The following TBC1D12 variants were observed in gnomAD, a reference collection of about 807,000 sequenced individuals.
The protein encoded by TBC1D12 is TBC1 domain family member 12.
Under a neutral mutation model 86.7 loss-of-function variants are expected in TBC1D12, and 56 were observed. The observed-to-expected ratio is 0.65, with a 90% CI of 0.52 to 0.81. The LOEUF (loss-of-function observed/expected upper bound fraction) is 0.81. Among genes scored for constraint, TBC1D12 ranks in the 30% least tolerant of loss-of-function variants. TBC1D12 has a pLI of 0.00. For missense variants in TBC1D12, 1,023 were observed against 1,038.8 expected (o/e 0.98, Z 0.21); for synonymous variants, 421 against 411.7 (o/e 1.02, Z -0.27).
At position 94,438,650 on chromosome 10, in the gene TBC1D12, G is replaced by A. The variant is rs528197869; in HGVS notation, c.972-3246G>A. On this transcript the variant is annotated intron_variant, in intron 1 of 12. Transcript: ENST00000225235. Reference sequence around the variant, plus strand: ...GTGGTGGTGGTTGTGAGGAATAGGGGAAGGTAATTGGTTTATGCATGCTGC... The same window carrying A: ...GTGGTGGTGGTTGTGAGGAATAGGGAAAGGTAATTGGTTTATGCATGCTGC... Among the ~76,000 whole-genome samples, 85 of 152,248 alleles carry A rather than the reference G, an allele frequency of 5.6e-4. 1 individual carries two copies. The highest frequency in any genetic ancestry group is 3.1e-4 in the Non-Finnish European group (21 of 68,022).
intron 2 of TBC1D12, among the ~76,000 whole-genome samples, chr10:94,470,081 T>C (rs1261036335): frequency 2.0e-5 from 3 of 152,162 alleles, no homozygotes; most frequent in African/African-American, 4.8e-5. Context: ...TAGATGAAAA[T>C]CAGTACTTAC....
chr10:94,420,714 C>T (rs922785524), intron 1 of TBC1D12, among the ~76,000 whole-genome samples: 11 of 152,100 alleles, frequency 7.2e-5, no homozygotes, highest in South Asian at 2.1e-4. Flanking sequence ...TTTATGGTTG[C>T]GTAATAGTCC....
At chr10:94,464,122 T>G (rs1364336357) in intron 2 of TBC1D12, among the ~76,000 whole-genome samples, 1 of 152,186 alleles carries the variant, frequency 6.6e-6, no homozygotes, top group Non-Finnish European at 1.5e-5. Flanking sequence ...ATCCTTTTAT[T>G]CTTGTATCTA....
chr10:94,441,265 A>C (rs957348370), intron 1 of TBC1D12, among the ~76,000 whole-genome samples: 19 of 151,814 alleles, frequency 1.3e-4, no homozygotes, highest in Non-Finnish European at 2.1e-4. Context: ...AAGACAGGTT[A>C]TGTATATATA....
intron 1 of TBC1D12, among the ~76,000 whole-genome samples, chr10:94,416,896 G>A (rs74153341): frequency 0.022 from 3,312 of 152,240 alleles, 121 homozygotes; most frequent in African/African-American, 0.074. Flanking sequence ...ATATAAAATA[G>A]CTCAGCACTT....
chr10:94,493,153 C>T (rs949908673), intron 3 of TBC1D12, among the ~76,000 whole-genome samples: 2 of 39,638 alleles, frequency 5.0e-5, no homozygotes, highest in Non-Finnish European at 6.9e-5. Flanking sequence ...CATAGAACTA[C>T]ACACACACAC....
Position 94,500,375 on chromosome 10 carries a change from A to G in TBC1D12, c.1519+48A>G, listed in dbSNP as rs779645387. ...TTCCCACATGTACAAATAGCCATCT[A>G]CAGAGTTACATAGCAGATTAGTAGA... On this transcript the variant is annotated intron_variant, in intron 6 of 12. Coordinates refer to ENST00000225235, the MANE Select transcript of TBC1D12 (RefSeq NM_015188.2). 7.9e-6 allele frequency: 12 copies of G among 1,516,660 alleles called. No individual in the cohort carries two copies. The South Asian group carries it at 1.4e-4, about 18-fold the overall frequency. The allele number at this position is 1,516,660 out of a possible 1,614,324, so 94.0% of individuals were successfully genotyped here. A position where few individuals can be genotyped will look rare whatever the true frequency, so the allele number is the denominator to read the frequency against.
intron 3 of TBC1D12, among the ~76,000 whole-genome samples, chr10:94,477,935 G>T (rs1394961118): frequency 1.3e-5 from 2 of 152,152 alleles, no homozygotes; most frequent in Non-Finnish European, 2.9e-5. Flanking sequence ...TTAAATAGAA[G>T]ACTAGATCTC....
intron 2 of TBC1D12, among the ~76,000 whole-genome samples, chr10:94,467,266 G>A (rs2055838181): frequency 2.6e-5 from 4 of 152,030 alleles, no homozygotes; most frequent in Admixed American, 2.0e-4. Flanking sequence ...GAGTTTCGCT[G>A]TTGTTGCCCA....
intron 4 of TBC1D12, among the ~76,000 whole-genome samples, chr10:94,495,027 C>CTT (rs34125941): frequency 0.013 from 1,770 of 140,364 alleles, 57 homozygotes; most frequent in African/African-American, 0.043. Flanking sequence ...ACACCCAGCT[C>CTT]TTTTTTTTTT....
intron 1 of TBC1D12, among the ~76,000 whole-genome samples, chr10:94,425,465 A>G (rs2055133131): frequency 6.6e-6 from 1 of 152,220 alleles, no homozygotes; most frequent in Non-Finnish European, 1.5e-5. Context: ...TACATGTATC[A>G]TGTTCAATTA....
chr10:94,476,960 T>C (rs2055998120), intron 3 of TBC1D12, among the ~76,000 whole-genome samples: 1 of 152,214 alleles, frequency 6.6e-6, no homozygotes, highest in Non-Finnish European at 1.5e-5. Context: ...ACTTCTCTTG[T>C]ACCTTTCTTG....
In TBC1D12 at chr10:94,403,055, G is replaced by T. The variant is rs2054791788; in HGVS notation, c.442G>T (p.Asp148Tyr). 2 of 1,543,778 alleles carry T rather than the reference G, an allele frequency of 1.3e-6. No homozygotes were observed. The highest frequency in any genetic ancestry group is 1.2e-5 in the South Asian group (1 of 83,180). ...SGFLPGRDCR[D>Y]LEEARGLARA... The stretch of plus-strand genomic sequence containing the variant: ...TTTTCTGCCGGGCCGGGACTGTCGC[G>T]ATCTGGAAGAGGCTCGCGGGCTGGC... The change falls in exon 1 of 13, where the codon GAT (aspartate) becomes TAT (tyrosine). Residue 148 changes from aspartate (D) to tyrosine (Y), a missense_variant. Physicochemically the swap from Asp to Tyr is radical, Grantham distance 160. Coordinates refer to ENST00000225235, the MANE Select transcript of TBC1D12 (RefSeq NM_015188.2).
intron 4 of TBC1D12, among the ~76,000 whole-genome samples, chr10:94,496,839 G>T (rs2056327083): frequency 6.6e-6 from 1 of 152,142 alleles, no homozygotes; most frequent in Non-Finnish European, 1.5e-5. Context: ...TCTAAAAAAA[G>T]AGAAAACAAA....
At chr10:94,447,876 C>G (rs540330310) in intron 2 of TBC1D12, among the ~76,000 whole-genome samples, 48 of 148,280 alleles carry the variant, frequency 3.2e-4, no homozygotes, top group Non-Finnish European at 6.4e-4. Context: ...CAATTGCATA[C>G]TAGATTGAAT....
intron 1 of TBC1D12, among the ~76,000 whole-genome samples, chr10:94,438,847 A>T (rs1183600849): frequency 6.6e-6 from 1 of 151,598 alleles, no homozygotes; most frequent in Non-Finnish European, 1.5e-5. Context: ...TCTGTCTCCC[A>T]GGCTGGAGTA....
intron 1 of TBC1D12, among the ~76,000 whole-genome samples, chr10:94,436,631 G>GT (rs1205673878): frequency 6.6e-6 from 1 of 151,872 alleles, no homozygotes; most frequent in Non-Finnish European, 1.5e-5. Flanking sequence ...GTTCAATAAT[G>GT]TATCATTTCA....
chr10:94,522,225 A>C, intron 10 of TBC1D12, 119 bp from the exon 11 acceptor site: 1 of 1,204,586 alleles, frequency 8.3e-7, no homozygotes, highest in East Asian at 2.6e-5. Context: ...GTTTGCTGAG[A>C]AGACTCAGAA....
rs2056506880 is a variant in TBC1D12 at position 94,509,978 on chromosome 10, A to T, written c.1601-113A>T. The T allele has an allele frequency of 1.8e-5, 13 of 709,478 alleles. No individual in the cohort carries two copies. The East Asian group carries it at 3.8e-4, about 21-fold the overall frequency. 43.9% of individuals were successfully genotyped at this position (709,478 alleles called of 1,614,324 possible). On this transcript the variant is annotated intron_variant, in intron 7 of 12. Coordinates refer to ENST00000225235, the MANE Select transcript of TBC1D12 (RefSeq NM_015188.2). ...ATGTGACATTTCTTATAATTTCTTGATTATTCAGCTTTTAACTTAAATAAC... is the reference window on the plus strand; with the variant it reads ...ATGTGACATTTCTTATAATTTCTTGTTTATTCAGCTTTTAACTTAAATAAC...
Sources: gnomAD v4.1 joint callset for allele counts (sites outside exome capture counted in the v4.1 genomes callset) on GRCh38, gnomAD v4.1.1 for gene constraint, MANE v1.5 for transcripts, NCBI Gene and HGNC (gene_info 2026-07-23, HGNC 2026-07-21) for gene names.